SERINC5: variants seen among roughly 807,000 people sequenced by gnomAD.
SERINC5 encodes the protein chromosome 5 open reading frame 12.
SERINC5 carries 41 observed loss-of-function variants against 63.1 expected under a neutral mutation model. That is an observed-to-expected ratio of 0.65 (90% confidence interval 0.51 to 0.84). The LOEUF (loss-of-function observed/expected upper bound fraction) is 0.84, where lower values mean the gene tolerates loss of function less well. Ranked by LOEUF, SERINC5 falls within the 40% of genes least tolerant of loss-of-function variation. The pLI is 0.00. For missense variants in SERINC5, 523 were observed against 573.0 expected (o/e 0.91, Z 0.89); for synonymous variants, 222 against 215.2 (o/e 1.03, Z -0.28).
chr5:80,182,627 C>T (rs1748527001), intron 2 of SERINC5, among the ~76,000 whole-genome samples: 1 of 149,764 alleles, frequency 6.7e-6, no homozygotes, highest in Admixed American at 6.7e-5. Context: ...CTCACTGCAA[C>T]CTCTGCCTCC....
At chr5:80,128,166 G>A (rs1744815037) in intron 11 of SERINC5, among the ~76,000 whole-genome samples, 6 of 152,152 alleles carry the variant, frequency 3.9e-5, no homozygotes, top group Admixed American at 3.9e-4. Flanking sequence ...AACTTAGCTT[G>A]TCTTCCAAGG....
rs146710889 is a variant in SERINC5, at chr5:80,249,797, C to G, written c.27+6099G>C. 7.0e-3 allele frequency among the ~76,000 whole-genome samples: 1,060 copies of G among 152,034 alleles called. 29 individuals carry two copies. The East Asian group carries it at 0.08, about 12-fold the overall frequency. On this transcript the variant is annotated intron_variant, in intron 1 of 11. Transcript: ENST00000507668. The stretch of plus-strand genomic sequence containing the variant: ...AGCCTCGGCAACAAGAGCGAAAACT[C>G]TGTCTCAAAAATAAAAAAAAATAAA...
At chr5:80,133,020 T>C (rs1412858773) in intron 11 of SERINC5, among the ~76,000 whole-genome samples, 3 of 152,072 alleles carry the variant, frequency 2.0e-5, no homozygotes, top group Admixed American at 6.5e-5. Context: ...GGAGGTGTCA[T>C]GGTTGCAGAT....
chr5:80,201,133 AAAAAT>A (rs1749813649), intron 2 of SERINC5, among the ~76,000 whole-genome samples: 1 of 151,932 alleles, frequency 6.6e-6, no homozygotes, highest in South Asian at 2.1e-4. Context: ...AATCAATAAA[AAAAAT>A]AAAATAGCCC....
intron 11 of SERINC5, among the ~76,000 whole-genome samples, chr5:80,133,202 A>G (rs1299334052): frequency 1.3e-5 from 2 of 152,214 alleles, no homozygotes; most frequent in African/African-American, 4.8e-5. Flanking sequence ...AGCAGATGCC[A>G]GTACCAATGC....
At chr5:80,150,784 T>A (rs1301809749) in intron 9 of SERINC5, 98 bp downstream of exon 9, 1 of 867,820 alleles carries the variant, frequency 1.2e-6, no homozygotes, top group African/African-American at 1.7e-5. Flanking sequence ...AAAAACAGGA[T>A]CACGGAATGC....
chr5:80,218,502 T>C (rs1750766626), intron 1 of SERINC5, among the ~76,000 whole-genome samples: 1 of 152,012 alleles, frequency 6.6e-6, no homozygotes, highest in Non-Finnish European at 1.5e-5. Flanking sequence ...ATTGCATTAT[T>C]GCACTCCAGC....
chr5:80,133,945 A>G (rs1745049921), downstream of SERINC5, among the ~76,000 whole-genome samples: 1 of 152,162 alleles, frequency 6.6e-6, no homozygotes, highest in Admixed American at 6.5e-5. Flanking sequence ...GGGCCACAAG[A>G]CCAGATGAAC....
rs1561395451 is a variant in SERINC5, at chr5:80,175,137, T to G, written c.458-90A>C. 15 of 746,546 alleles carry G rather than the reference T, an allele frequency of 2.0e-5. No homozygotes were observed. In the South Asian group the frequency reaches 2.5e-4, roughly 13 times the overall value. 46.2% of individuals were successfully genotyped at this position (746,546 alleles called of 1,614,324 possible). ...ACCACAGCTAATTTTTACTAGATGATCAGTGTACCTAACATATTTGTCACA... is the reference window on the plus strand; with the variant it reads ...ACCACAGCTAATTTTTACTAGATGAGCAGTGTACCTAACATATTTGTCACA... On this transcript the variant is annotated intron_variant, in intron 4 of 11. Transcript: ENST00000507668.
At position 80,145,046 on chromosome 5, in the gene SERINC5, TA is replaced by T. The variant is rs1333843299; in HGVS notation, c.1238+1043del. Among the ~76,000 whole-genome samples the T allele has an allele frequency of 7.3e-3, 1,082 of 149,082 alleles. 12 individuals are homozygous for T. The highest frequency in any genetic ancestry group is 0.025 in the African/African-American group (1,017 of 40,732). On this transcript the variant is annotated intron_variant, in intron 11 of 11. Transcript: ENST00000507668. The stretch of plus-strand genomic sequence containing the variant: ...AAAACATGTATAATGACATTTATGT[TA>T]AAAAAAAAATTAGCTGGACATGGTG...
intron 1 of SERINC5, among the ~76,000 whole-genome samples, chr5:80,231,331 C>G (rs1751430318): frequency 6.6e-6 from 1 of 152,334 alleles, no homozygotes; most frequent in East Asian, 1.9e-4. Flanking sequence ...CTCAGGAGAA[C>G]AGTTTAACTG....
rs777545997 is a variant in SERINC5 at position 80,166,421 on chromosome 5, A to G, written c.821T>C (p.Leu274Pro). ...TTTGCTGGACAGAGCTGAGAAGGTG[A>G]GGTAGGTGACATAGCAGCTTATGAC... ...SGVISCYVTYLTFSALSSKPA... is the reference protein window; with the variant it reads ...SGVISCYVTYPTFSALSSKPA... Residue 274 changes from leucine (L) to proline (P), a missense_variant, in exon 7 of 12, where the codon CTC (leucine) becomes CCC (proline). Transcript: ENST00000507668. 5.0e-6 allele frequency: 8 copies of G among 1,595,350 alleles called. No homozygotes were observed. The highest frequency in any genetic ancestry group is 3.5e-5 in the Admixed American group (2 of 57,438).
chr5:80,237,442 T>A (rs779783243), intron 1 of SERINC5, among the ~76,000 whole-genome samples: 1 of 151,972 alleles, frequency 6.6e-6, no homozygotes, highest in Non-Finnish European at 1.5e-5. Flanking sequence ...CAGGTGATCC[T>A]CCCACCTCAG....
chr5:80,151,058 C>A, intron 8 of SERINC5, 110 bp from the exon 9 acceptor site: 1 of 793,270 alleles, frequency 1.3e-6, no homozygotes, highest in South Asian at 1.4e-5. Context: ...ATGTAACCTA[C>A]CGTTCAGGAG....
rs1409203143 is a variant in SERINC5, at chr5:80,139,594, A to AGAGAGAGAGAG, written c.*4068_*4069insCTCTCTCTCTC. ...TGTGAAAGAGTTGTTGAGAAAGAAG[A>AGAGAGAGAGAG]AAAGAGAGAGAGAGAGAAAGGTCTA... On this transcript the variant is annotated 3_prime_UTR_variant, in exon 12 of 12. Transcript: ENST00000507668. The AGAGAGAGAGAG allele has an allele frequency of 4.7e-5, 24 of 515,014 alleles. No homozygotes were observed. The African/African-American group carries it at 9.2e-4, about 20-fold the overall frequency. 31.9% of individuals were successfully genotyped at this position (515,014 alleles called of 1,614,324 possible).
intron 8 of SERINC5, among the ~76,000 whole-genome samples, chr5:80,151,917 C>T (rs1254251717): frequency 6.6e-6 from 1 of 150,828 alleles, no homozygotes; most frequent in Non-Finnish European, 1.5e-5. Context: ...CAGCGAACCC[C>T]ATGAGGCAAC....
intron 2 of SERINC5, among the ~76,000 whole-genome samples, chr5:80,190,053 C>G: frequency 6.6e-6 from 1 of 151,354 alleles, no homozygotes; most frequent in African/African-American, 2.4e-5. Context: ...GACCTGAACG[C>G]AGTGGTAATA....
intron 1 of SERINC5, among the ~76,000 whole-genome samples, chr5:80,252,569 G>C (rs573766769): frequency 1.1e-4 from 17 of 152,256 alleles, no homozygotes; most frequent in African/African-American, 3.6e-4. Flanking sequence ...CAAAACCAAA[G>C]TGAATATCAG....
chr5:80,132,300 A>ACC (rs1421372735), intron 11 of SERINC5, among the ~76,000 whole-genome samples: 3 of 151,874 alleles, frequency 2.0e-5, no homozygotes, highest in Non-Finnish European at 4.4e-5. Flanking sequence ...AAATTCCTAG[A>ACC]CCCCCTCCTG....
Sources: allele counts gnomAD v4.1 joint callset (sites outside exome capture counted in the v4.1 genomes callset), GRCh38; gene constraint gnomAD v4.1.1; transcripts MANE v1.5; gene names NCBI Gene and HGNC (gene_info 2026-07-23, HGNC 2026-07-21).